PDE11A: variants seen among roughly 807,000 people sequenced by gnomAD.
PDE11A encodes dual 3',5'-cyclic-AMP and -GMP phosphodiesterase 11A.
Under a neutral mutation model 100.5 loss-of-function variants are expected in PDE11A, and 100 were observed. The observed-to-expected ratio is 1.00, with a 90% CI of 0.85 to 1.18. The LOEUF (loss-of-function observed/expected upper bound fraction) is 1.18. PDE11A is among the 50% of genes most tolerant of loss of function. The probability of loss-of-function intolerance (pLI) is 0.00; values close to 1 mark genes in which losing one functional copy is unlikely to be tolerated. For synonymous variants in PDE11A, 381 were observed against 420.8 expected (o/e 0.91, Z 1.16); for missense variants, 1,141 against 1,152.6 (o/e 0.99, Z 0.15).
chr2:177,719,854 A>G (rs749109290), intron 12 of PDE11A, among the ~76,000 whole-genome samples: 37 of 152,176 alleles, frequency 2.4e-4, no homozygotes, highest in Non-Finnish European at 4.9e-4. Context: ...TGCCACAAAC[A>G]AGATGCTCAT....
intron 9 of PDE11A, among the ~76,000 whole-genome samples, chr2:177,791,310 T>C (rs1415656351): frequency 2.0e-5 from 3 of 146,504 alleles, no homozygotes; most frequent in Admixed American, 7.1e-5. Context: ...CACTGCATGT[T>C]CTCACTCATA....
chr2:177,797,976 C>T (rs189195407), intron 9 of PDE11A, among the ~76,000 whole-genome samples: 116 of 152,300 alleles, frequency 7.6e-4, no homozygotes, highest in African/African-American at 1.9e-3. Flanking sequence ...CAAATTCCTT[C>T]ATGTAACACA....
intron 2 of PDE11A, among the ~76,000 whole-genome samples, chr2:177,961,746 T>C (rs2085636186): frequency 6.6e-6 from 1 of 152,138 alleles, no homozygotes; most frequent in South Asian, 2.1e-4. Flanking sequence ...TTACATAAAT[T>C]GAAGATAATT....
At chr2:177,909,926 A>G (rs558059494) in intron 2 of PDE11A, among the ~76,000 whole-genome samples, 21 of 152,354 alleles carry the variant, frequency 1.4e-4, no homozygotes, top group African/African-American at 4.1e-4. Flanking sequence ...TGATGCTGCT[A>G]AAAAGCCAGC....
chr2:177,841,387 C>G (rs546599159), intron 5 of PDE11A, among the ~76,000 whole-genome samples: 8 of 150,654 alleles, frequency 5.3e-5, no homozygotes, highest in Non-Finnish European at 1.2e-4. Context: ...TTTCAAGCTG[C>G]CTTATGTGGA....
intron 19 of PDE11A, among the ~76,000 whole-genome samples, chr2:177,636,809 G>A (rs1311622105): frequency 2.0e-5 from 3 of 152,188 alleles, no homozygotes; most frequent in African/African-American, 7.2e-5. Context: ...AATGTCTCCA[G>A]ATATTGCCAG....
chr2:177,804,826 A>C lies in PDE11A; in HGVS notation c.1737+12003T>G, dbSNP rs1353877191. ...CATTGTCTTAACTGAAATAATTCAGAAACAGAAAAGGCAAATAACATATGC... is the reference window on the plus strand; with the variant it reads ...CATTGTCTTAACTGAAATAATTCAGCAACAGAAAAGGCAAATAACATATGC... On this transcript the variant is annotated intron_variant, in intron 9 of 19. Transcript: ENST00000286063. Among the ~76,000 whole-genome samples the C allele has an allele frequency of 4.6e-5, 7 of 151,960 alleles. No individual in the cohort carries two copies. In the South Asian group the frequency reaches 1.2e-3, roughly 27 times the overall value.
chr2:177,641,426 C>CA (rs3056858), intron 19 of PDE11A, among the ~76,000 whole-genome samples: 10,470 of 135,964 alleles, frequency 0.077, 1,125 homozygotes, highest in African/African-American at 0.24. Context: ...TTTACTGAGT[C>CA]AAAAAAAAAA....
intron 2 of PDE11A, chr2:177,953,064 G>A (rs1009353644): frequency 1.3e-5 from 2 of 152,114 alleles, no homozygotes; most frequent in East Asian, 3.8e-4. Flanking sequence ...TAAAAGCAAA[G>A]TCCATCAAAG....
At chr2:177,669,806 G>C (rs1358327) in intron 17 of PDE11A, among the ~76,000 whole-genome samples, 123,594 of 152,232 alleles carry the variant, frequency 0.81, 50,934 homozygotes, top group East Asian at 0.98. Flanking sequence ...CAGGCAATCT[G>C]CCACAGTACG....
intron 12 of PDE11A, among the ~76,000 whole-genome samples, chr2:177,713,229 G>A (rs185800311): frequency 3.3e-5 from 5 of 152,150 alleles, no homozygotes; most frequent in Admixed American, 2.6e-4. Context: ...GGCTGGGCTC[G>A]AACTCCTGAC....
At chr2:178,054,827 T>A (rs2086878376) in intron 1 of PDE11A, among the ~76,000 whole-genome samples, 2 of 152,174 alleles carry the variant, frequency 1.3e-5, no homozygotes, top group African/African-American at 4.8e-5. Flanking sequence ...AGAATGGACA[T>A]CATTAAAAAG....
chr2:177,696,786 C>G (rs1395220211), intron 15 of PDE11A, among the ~76,000 whole-genome samples: 1 of 152,060 alleles, frequency 6.6e-6, no homozygotes, highest in Non-Finnish European at 1.5e-5. Flanking sequence ...GAAGAAATTT[C>G]CAGGCTGCTA....
chr2:177,985,323 G>C (rs1041286050), intron 2 of PDE11A, among the ~76,000 whole-genome samples: 1 of 152,126 alleles, frequency 6.6e-6, no homozygotes, highest in African/African-American at 2.4e-5. Context: ...TTCTTGAAAA[G>C]TGATCATTTA....
chr2:177,970,266 A>G (rs2085753348), intron 2 of PDE11A, among the ~76,000 whole-genome samples: 1 of 152,190 alleles, frequency 6.6e-6, no homozygotes, highest in Non-Finnish European at 1.5e-5. Context: ...ACACGTTTAC[A>G]TTAGGACTGT....
chr2:177,929,747 T>C (rs1022830187), intron 2 of PDE11A, among the ~76,000 whole-genome samples: 2 of 152,118 alleles, frequency 1.3e-5, no homozygotes, highest in African/African-American at 2.4e-5. Context: ...TATAAAGCTT[T>C]CCCCCCAAGT....
intron 6 of PDE11A, among the ~76,000 whole-genome samples, chr2:177,824,801 ATAGT>A (rs1441730995): frequency 1.3e-5 from 2 of 152,206 alleles, no homozygotes; most frequent in African/African-American, 4.8e-5. Flanking sequence ...CTATAGAAGA[ATAGT>A]TACTCATATG....
chr2:177,926,353 T>C (rs1425729724), intron 2 of PDE11A, among the ~76,000 whole-genome samples: 1 of 152,196 alleles, frequency 6.6e-6, no homozygotes. Flanking sequence ...TATAGCAAAA[T>C]ACTAGCTTCA....
At chr2:177,986,475 A>G (rs1005752223) in intron 2 of PDE11A, among the ~76,000 whole-genome samples, 1 of 152,170 alleles carries the variant, frequency 6.6e-6, no homozygotes, top group Non-Finnish European at 1.5e-5. Context: ...GTTCCAGTCC[A>G]TATTCCACCA....
Sources: allele counts gnomAD v4.1 joint callset (sites outside exome capture counted in the v4.1 genomes callset), GRCh38; gene constraint gnomAD v4.1.1; transcripts MANE v1.5; gene names NCBI Gene and HGNC (gene_info 2026-07-23, HGNC 2026-07-21).